Variants in TMPRSS4 observed in about 807,000 individuals in gnomAD.
TMPRSS4 encodes transmembrane protease serine 4.
A neutral mutation model predicts 56.4 loss-of-function variants in TMPRSS4; 45 were observed. That is an observed-to-expected ratio of 0.80 (90% CI 0.63 to 1.02). The LOEUF is 1.02. Among genes scored for constraint, TMPRSS4 ranks in the 50% least tolerant of loss-of-function variants. TMPRSS4 has a pLI of 0.00. For missense variants in TMPRSS4, 546 were observed against 556.7 expected (o/e 0.98, Z 0.19); for synonymous variants, 205 against 211.0 (o/e 0.97, Z 0.25).
intron 7 of TMPRSS4, among the ~76,000 whole-genome samples, chr11:118,111,273 C>T (rs1947263504): frequency 6.6e-6 from 1 of 152,152 alleles, no homozygotes; most frequent in South Asian, 2.1e-4. Context: ...GATTGAGAGA[C>T]TCCCCTGGCC....
Position 118,117,884 on chromosome 11 carries a change from CG to C in TMPRSS4, c.1303-16del. Reference sequence around the variant, plus strand: ...TCAGATAATCTGACTTTCTCTTCATCGGTCTCTCTTATTCTAGGCTGAGCTG... The same window carrying C: ...TCAGATAATCTGACTTTCTCTTCATCGTCTCTCTTATTCTAGGCTGAGCTG... On this transcript the variant is annotated splice_polypyrimidine_tract_variant and intron_variant, in intron 12 of 12. Transcript: ENST00000437212. 9.3e-6 allele frequency: 15 copies of C among 1,613,948 alleles called. No individual in the cohort carries two copies. Among genetic ancestry groups the C allele is most frequent in the Non-Finnish European group, 1.3e-5 (15 of 1,180,034 alleles).
Position 118,114,926 on chromosome 11 carries a change from A to G in TMPRSS4, c.1008A>G (p.Gly336=), listed in dbSNP as rs1203239697. ...GATGGGGCTTTACGAAGCAGAATGGAGGTAAGTCCTGGGTGCAGGACCACA... is the reference window on the plus strand; with the variant it reads ...GATGGGGCTTTACGAAGCAGAATGGGGGTAAGTCCTGGGTGCAGGACCACA... ...IIGWGFTKQN[G]GKMSDILLQA... is the part of the protein sequence containing the mutation. The change falls in exon 10 of 13, where the codon GGA becomes GGG. Residue 336 remains glycine (G), a splice_region_variant and synonymous_variant. Transcript: ENST00000437212. The G allele has an allele frequency of 1.3e-6, 2 of 1,598,980 alleles. No individual in the cohort carries two copies. Among genetic ancestry groups the G allele is most frequent in the Non-Finnish European group, 1.7e-6 (2 of 1,172,200 alleles).
Position 118,104,754 on chromosome 11 carries a change from C to A in TMPRSS4, c.374C>A (p.Ser125Tyr), listed in dbSNP as rs758918379. The A allele has an allele frequency of 1.3e-5, 21 of 1,614,076 alleles. No homozygotes were observed. Among genetic ancestry groups the A allele is most frequent in the Non-Finnish European group, 1.7e-5 (20 of 1,180,020 alleles). Residue 125 changes from serine (S) to tyrosine (Y), a missense_variant, in exon 5 of 13, where the codon TCT becomes TAT. Physicochemically the swap from Ser to Tyr is moderately radical, Grantham distance 144 (BLOSUM62 -2). Coordinates refer to ENST00000437212, the MANE Select transcript of TMPRSS4 (RefSeq NM_019894.4). The stretch of plus-strand genomic sequence containing the variant: ...GACTCGGCCACAGGGAACTGGTTCT[C>A]TGCCTGTTTCGACAACTTCACAGAA... ...VLDSATGNWF[S>Y]ACFDNFTEAL...
intron 1 of TMPRSS4, among the ~76,000 whole-genome samples, chr11:118,079,595 C>CGCACCCTGA (rs1378743320): frequency 6.6e-6 from 1 of 152,196 alleles, no homozygotes; most frequent in Non-Finnish European, 1.5e-5. Context: ...GAGACCTAAA[C>CGCACCCTGA]GCACCCTGAG....
intron 1 of TMPRSS4, among the ~76,000 whole-genome samples, chr11:118,080,247 T>A (rs562863045): frequency 1.3e-5 from 2 of 152,152 alleles, no homozygotes; most frequent in South Asian, 4.1e-4. Context: ...ACTATTTGCA[T>A]TGGACTCTGA....
intron 1 of TMPRSS4, among the ~76,000 whole-genome samples, chr11:118,079,329 A>C (rs1338804829): frequency 6.6e-6 from 1 of 151,764 alleles, no homozygotes; most frequent in East Asian, 1.9e-4. Flanking sequence ...ACCTCCTTCC[A>C]TCCCCACAGG....
rs1947714771 is a variant in TMPRSS4, at chr11:118,119,477, T to TA, written c.*1570dup. ...TAAAAAACACCTTAAGTGGGCAGCA[T>TA]AAAAAACAGCTAATTTAGAACCCCA... On this transcript the variant is annotated 3_prime_UTR_variant, in exon 13 of 13. Transcript: ENST00000437212. 1 of 512,376 alleles carries TA rather than the reference T, an allele frequency of 2.0e-6. No homozygotes were observed. Among genetic ancestry groups the TA allele is most frequent in the African/African-American group, 2.1e-5 (1 of 48,266 alleles). The allele number at this position is 512,376 out of a possible 1,614,324, so 31.7% of individuals were successfully genotyped here.
rs1158446314 is a variant in TMPRSS4 at position 118,114,887 on chromosome 11, A to G, written c.969A>G (p.Pro323=). The G allele has an allele frequency of 3.1e-6, 5 of 1,607,672 alleles. No homozygotes were observed. In the African/African-American group the frequency reaches 5.3e-5, roughly 17 times the overall value. The change falls in exon 10 of 13, where the codon CCA becomes CCG. Residue 323 remains proline, a synonymous_variant. Transcript: ENST00000437212. ...ATGAGGAGCTCACTCCAGCCACCCC[A>G]CTCTGGATCATTGGATGGGGCTTTA... The part of the protein sequence containing the change: ...FFDEELTPAT[P]LWIIGWGFTK...
intron 2 of TMPRSS4, among the ~76,000 whole-genome samples, chr11:118,097,629 G>T (rs1946481442): frequency 1.3e-5 from 2 of 152,012 alleles, no homozygotes; most frequent in Non-Finnish European, 2.9e-5. Flanking sequence ...CCTTTCCCAG[G>T]TTCCTTCTCC....
intron 3 of TMPRSS4, among the ~76,000 whole-genome samples, chr11:118,102,666 G>A (rs1253176073): frequency 1.3e-5 from 2 of 152,084 alleles, no homozygotes; most frequent in Non-Finnish European, 2.9e-5. Flanking sequence ...CCAAGATCCC[G>A]CCACTGCACT....
At chr11:118,094,739 C>T (rs769124497) in intron 1 of TMPRSS4, 77 bp from the exon 2 acceptor site, 8 of 1,378,966 alleles carry the variant, frequency 5.8e-6, no homozygotes, top group Non-Finnish European at 8.1e-6. Flanking sequence ...GTAGACAAGA[C>T]CCAAGAACCT....
intron 1 of TMPRSS4, among the ~76,000 whole-genome samples, chr11:118,079,473 G>A (rs1260400867): frequency 6.6e-6 from 1 of 152,190 alleles, no homozygotes; most frequent in Non-Finnish European, 1.5e-5. Flanking sequence ...CAGAGCCCAA[G>A]CCCTGTCCCC....
At chr11:118,092,113 G>A (rs1363199122) in intron 1 of TMPRSS4, among the ~76,000 whole-genome samples, 3 of 152,102 alleles carry the variant, frequency 2.0e-5, no homozygotes, top group Non-Finnish European at 4.4e-5. Flanking sequence ...GAAAGGAAAC[G>A]CTGACCACCC....
intron 11 of TMPRSS4, 200 bp downstream of exon 11, chr11:118,115,480 G>T (rs1947499273): frequency 3.3e-6 from 2 of 598,466 alleles, no homozygotes; most frequent in Admixed American, 3.0e-5. Flanking sequence ...TGGATGGATG[G>T]ATGCAGACAA....
chr11:118,086,920 A>T (rs1314283915), intron 1 of TMPRSS4: 1 of 152,590 alleles, frequency 6.6e-6, no homozygotes, highest in Non-Finnish European at 1.5e-5. Context: ...TCAGAGGAGC[A>T]CTGTGGCCGG....
intron 1 of TMPRSS4, among the ~76,000 whole-genome samples, chr11:118,085,380 C>T (rs1172379514): frequency 3.3e-5 from 5 of 151,944 alleles, no homozygotes; most frequent in Admixed American, 1.3e-4. Context: ...CCTGCCACCA[C>T]GCCCAGCTAA....
At chr11:118,111,180 G>A (rs1335557121) in intron 7 of TMPRSS4, among the ~76,000 whole-genome samples, 1 of 152,210 alleles carries the variant, frequency 6.6e-6, no homozygotes, top group Admixed American at 6.5e-5. Context: ...TGGGTGGAGA[G>A]GGGGGACCTG....
In TMPRSS4 at chr11:118,115,283, G is replaced by A; in HGVS notation, c.1152+3G>A. 1 of 1,612,158 alleles carries A rather than the reference G, an allele frequency of 6.2e-7. No individual in the cohort carries two copies. The highest frequency in any genetic ancestry group is 8.5e-7 in the Non-Finnish European group (1 of 1,179,710). On this transcript the variant is annotated splice_donor_region_variant and intron_variant, in intron 11 of 12. Transcript: ENST00000437212. ...AAGGGGGTGTGGACACCTGCCAGGT[G>A]GGGCCTCCAAGAATCATGGGGAGTT...
chr11:118,102,056 G>A (rs114998829), intron 3 of TMPRSS4, among the ~76,000 whole-genome samples: 5,649 of 151,624 alleles, frequency 0.037, 360 homozygotes, highest in African/African-American at 0.13. Flanking sequence ...GGTTTGTTAC[G>A]TAGGTAAGCG....
Sources: gnomAD v4.1 joint callset for allele counts (sites outside exome capture counted in the v4.1 genomes callset) on GRCh38, gnomAD v4.1.1 for gene constraint, MANE v1.5 for transcripts, NCBI Gene and HGNC (gene_info 2026-07-23, HGNC 2026-07-21) for gene names.